ATRNL1: variants seen among roughly 807,000 people sequenced by gnomAD.
The protein encoded by ATRNL1 is attractin-like protein 1.
A neutral mutation model predicts 182.7 loss-of-function variants in ATRNL1; 95 were observed. That is an observed-to-expected ratio of 0.52 (90% CI 0.44 to 0.62). The LOEUF (loss-of-function observed/expected upper bound fraction) is 0.62. Among genes scored for constraint, ATRNL1 ranks in the 20% least tolerant of loss-of-function variants. The probability of loss-of-function intolerance (pLI) is 0.00; values close to 1 mark genes in which losing one functional copy is unlikely to be tolerated. For synonymous variants in ATRNL1, 576 were observed against 568.3 expected, an observed-to-expected ratio of 1.01 and a Z score of -0.19; for missense variants, 1,471 against 1,679.5, an observed-to-expected ratio of 0.88 and a Z score of 2.17.
intron 28 of ATRNL1, among the ~76,000 whole-genome samples, chr10:115,868,841 T>C (rs1297914831): frequency 8.4e-6 from 1 of 119,476 alleles, no homozygotes; most frequent in African/African-American, 3.1e-5. Context: ...TTTTTTTTTT[T>C]TTTTTTGAGA....
At chr10:115,367,874 C>A (rs1484934032) in intron 19 of ATRNL1, among the ~76,000 whole-genome samples, 5 of 148,460 alleles carry the variant, frequency 3.4e-5, no homozygotes, top group South Asian at 4.4e-4. Context: ...GCAGTCTGCC[C>A]GTTCTCAGAT....
chr10:115,175,461 T>C (rs1554886514), intron 8 of ATRNL1, among the ~76,000 whole-genome samples: 2 of 152,120 alleles, frequency 1.3e-5, no homozygotes, highest in South Asian at 2.1e-4. Context: ...TGAGTTTCTT[T>C]TGGCTTATTC....
chr10:115,684,389 G>A (rs1451600818), intron 26 of ATRNL1, among the ~76,000 whole-genome samples: 1 of 150,060 alleles, frequency 6.7e-6, no homozygotes, highest in Non-Finnish European at 1.5e-5. Context: ...GCCTGTGTGA[G>A]TATAATGTTA....
At position 115,847,935 on chromosome 10, in the gene ATRNL1, C is replaced by T; in HGVS notation, c.3962C>T (p.Thr1321Ile). 4 of 1,613,012 alleles carry T rather than the reference C, an allele frequency of 2.5e-6. No individual in the cohort carries two copies. The highest frequency in any genetic ancestry group is 3.4e-6 in the Non-Finnish European group (4 of 1,179,248). Reference sequence around the variant, plus strand: ...GCTGGGAACAGAGCTGCTGTTCTGACTGTGTTTCTTTGTCTACCACGAGGA... The same window carrying T: ...GCTGGGAACAGAGCTGCTGTTCTGATTGTGTTTCTTTGTCTACCACGAGGA... Reference protein sequence around the residue: ...PCAGNRAAVLTVFLCLPRGSS... With the variant: ...PCAGNRAAVLIVFLCLPRGSS... Residue 1321 changes from threonine (T) to isoleucine (I), a missense_variant, in exon 28 of 29, where the codon ACT becomes ATT. Coordinates refer to ENST00000355044, the MANE Select transcript of ATRNL1 (RefSeq NM_207303.4).
At chr10:115,437,486 C>T (rs1158881100) in intron 21 of ATRNL1, among the ~76,000 whole-genome samples, 1 of 151,938 alleles carries the variant, frequency 6.6e-6, no homozygotes, top group Non-Finnish European at 1.5e-5. Context: ...TGTAAAATAT[C>T]ATTACAGCAC....
chr10:115,899,339 G>A (rs1237690939), intron 28 of ATRNL1, among the ~76,000 whole-genome samples: 10 of 151,964 alleles, frequency 6.6e-5, no homozygotes, highest in Non-Finnish European at 1.2e-4. Flanking sequence ...ACGGAGTTTC[G>A]CTCTTATTGC....
rs142374414 is a variant in ATRNL1 at position 115,829,025 on chromosome 10, G to T, written c.3904-18852G>T. Among the ~76,000 whole-genome samples, 1,114 of 151,564 alleles carry T rather than the reference G, an allele frequency of 7.4e-3. 14 individuals are homozygous for T. The highest frequency in any genetic ancestry group is 0.026 in the African/African-American group (1,055 of 40,930). On this transcript the variant is annotated intron_variant, in intron 27 of 28. Transcript: ENST00000355044. ...AAAGAGTCCTAACTTCTGCAGATGGGCATTATTTCACAATCACCCTTTTTT... is the reference window on the plus strand; with the variant it reads ...AAAGAGTCCTAACTTCTGCAGATGGTCATTATTTCACAATCACCCTTTTTT...
chr10:115,854,776 T>C (rs1951141597), intron 28 of ATRNL1, among the ~76,000 whole-genome samples: 1 of 152,216 alleles, frequency 6.6e-6, no homozygotes, highest in South Asian at 2.1e-4. Flanking sequence ...TGTGCCCTTT[T>C]ACATCTCAGT....
intron 25 of ATRNL1, among the ~76,000 whole-genome samples, chr10:115,532,362 T>G (rs1197539534): frequency 4.6e-5 from 7 of 152,178 alleles, no homozygotes; most frequent in Admixed American, 4.6e-4. Context: ...GTAAGTTGGA[T>G]TCCTAGGTAT....
At chr10:115,449,641 G>A (rs1411219912) in intron 21 of ATRNL1, among the ~76,000 whole-genome samples, 1 of 152,136 alleles carries the variant, frequency 6.6e-6, no homozygotes, top group Non-Finnish European at 1.5e-5. Flanking sequence ...ACAGAGTTTT[G>A]CTTCTGCCGG....
intron 15 of ATRNL1, among the ~76,000 whole-genome samples, chr10:115,298,864 A>G (rs1853332174): frequency 6.6e-6 from 1 of 152,048 alleles, no homozygotes; most frequent in Non-Finnish European, 1.5e-5. Context: ...AATTTATAAG[A>G]TATTTAAATT....
At chr10:115,439,975 T>C (rs1238944375) in intron 21 of ATRNL1, among the ~76,000 whole-genome samples, 1 of 152,002 alleles carries the variant, frequency 6.6e-6, no homozygotes, top group Non-Finnish European at 1.5e-5. Flanking sequence ...GGAGAGCTGT[T>C]CCTTCTCCTT....
intron 5 of ATRNL1, among the ~76,000 whole-genome samples, chr10:115,155,960 C>A (rs1846494287): frequency 6.6e-6 from 1 of 151,886 alleles, no homozygotes; most frequent in African/African-American, 2.4e-5. Context: ...TTTAAAAATT[C>A]TTATAATTAG....
chr10:115,855,789 A>T (rs891283459), intron 28 of ATRNL1, among the ~76,000 whole-genome samples: 8 of 152,204 alleles, frequency 5.3e-5, no homozygotes, highest in African/African-American at 1.7e-4. Flanking sequence ...ATCTATGAAA[A>T]CTAACTTGTT....
chr10:115,921,708 C>T (rs1244441100), intron 28 of ATRNL1, among the ~76,000 whole-genome samples: 2 of 152,160 alleles, frequency 1.3e-5, no homozygotes, highest in Non-Finnish European at 2.9e-5. Context: ...GTATTAATCC[C>T]AGAAGAAATA....
At chr10:115,932,918 A>C (rs1057262698) in intron 28 of ATRNL1, among the ~76,000 whole-genome samples, 1 of 152,180 alleles carries the variant, frequency 6.6e-6, no homozygotes, top group East Asian at 1.9e-4. Flanking sequence ...TATTATGTGC[A>C]TCACTACCCA....
chr10:115,316,735 C>G (rs1289966797), intron 18 of ATRNL1, among the ~76,000 whole-genome samples: 1 of 152,044 alleles, frequency 6.6e-6, no homozygotes, highest in African/African-American at 2.4e-5. Context: ...CTGTTCATAT[C>G]CTTTGCCCAG....
intron 27 of ATRNL1, among the ~76,000 whole-genome samples, chr10:115,743,711 A>G (rs1277209354): frequency 6.6e-6 from 1 of 152,114 alleles, no homozygotes; most frequent in Admixed American, 6.6e-5. Context: ...AATTAGATAG[A>G]TCTGTGTTTT....
chr10:115,292,443 A>G (rs980320975), intron 15 of ATRNL1, among the ~76,000 whole-genome samples: 4 of 151,356 alleles, frequency 2.6e-5, no homozygotes, highest in Non-Finnish European at 5.9e-5. Flanking sequence ...TTGTGATGCA[A>G]CATTAGGGTG....
Sources: allele counts gnomAD v4.1 joint callset (sites outside exome capture counted in the v4.1 genomes callset), GRCh38; gene constraint gnomAD v4.1.1; transcripts MANE v1.5; gene names NCBI Gene and HGNC (gene_info 2026-07-23, HGNC 2026-07-21).